KSR1: variants seen among roughly 807,000 people sequenced by gnomAD.
KSR1 encodes kinase suppressor of ras.
In KSR1, 35 loss-of-function variants were observed where a neutral mutation model predicts 92.9. The ratio of observed to expected loss-of-function variants is 0.38; its 90% CI spans 0.29 to 0.50. The LOEUF is 0.50. KSR1 is among the 20% of genes least tolerant of loss of function. KSR1 has a pLI of 0.94. For synonymous variants in KSR1, 467 were observed against 472.6 expected (o/e 0.99, Z 0.15); for missense variants, 972 against 1,158.5 (o/e 0.84, Z 2.34).
Position 27,550,476 on chromosome 17 carries a change from T to A in KSR1, c.232-92T>A, listed in dbSNP as rs2071356975. The A allele has an allele frequency of 9.7e-6, 7 of 718,950 alleles. No homozygotes were observed. The Admixed American group carries it at 1.2e-4, about 13-fold the overall frequency. 44.5% of individuals were successfully genotyped at this position (718,950 alleles called of 1,614,324 possible). A position where few individuals can be genotyped will look rare whatever the true frequency, so the allele number is the denominator to read the frequency against. ...GCCCCTTCCCTCATCACATTGCTTGTGTCTGCCTGAGCTCCTCTGTAGTGT... is the reference window on the plus strand; with the variant it reads ...GCCCCTTCCCTCATCACATTGCTTGAGTCTGCCTGAGCTCCTCTGTAGTGT... On this transcript the variant is annotated intron_variant, in intron 1 of 20. Coordinates refer to ENST00000644974, the MANE Select transcript of KSR1 (RefSeq NM_001394583.1).
Position 27,529,259 on chromosome 17 carries a change from A to AT in KSR1, c.232-21307dup, listed in dbSNP as rs2070442134. 2.0e-5 allele frequency among the ~76,000 whole-genome samples: 3 copies of AT among 152,192 alleles called. No homozygotes were observed. In the South Asian group the frequency reaches 6.2e-4, roughly 31 times the overall value. On this transcript the variant is annotated intron_variant, in intron 1 of 20. Transcript: ENST00000644974. ...AAGATTATGGGCATTGCCTCATATG[A>AT]TTAAGTACACTGTTAAAAGGGACTT...
intron 1 of KSR1, among the ~76,000 whole-genome samples, chr17:27,477,729 T>G (rs78610284): frequency 6.6e-6 from 1 of 151,896 alleles, no homozygotes; most frequent in South Asian, 2.1e-4. Flanking sequence ...TTTTTTTTTT[T>G]TGAGACAGGG....
chr17:27,524,512 T>C (rs1246925070), intron 1 of KSR1, among the ~76,000 whole-genome samples: 3 of 152,216 alleles, frequency 2.0e-5, no homozygotes, highest in Non-Finnish European at 2.9e-5. Flanking sequence ...CCCCATCCCC[T>C]TCCCAAGGAG....
chr17:27,619,849 A>T (rs763516929), intron 19 of KSR1, among the ~76,000 whole-genome samples: 1 of 152,100 alleles, frequency 6.6e-6, no homozygotes, highest in Non-Finnish European at 1.5e-5. Flanking sequence ...AGTTGCAGGG[A>T]TTATAGGTGC....
chr17:27,545,823 T>C (rs966571039), intron 1 of KSR1, among the ~76,000 whole-genome samples: 33 of 152,088 alleles, frequency 2.2e-4, no homozygotes, highest in African/African-American at 7.7e-4. Flanking sequence ...AGGCAGGTTG[T>C]GGGGAGGCTG....
At chr17:27,549,363 T>A (rs542709568) in intron 1 of KSR1, among the ~76,000 whole-genome samples, 1 of 152,312 alleles carries the variant, frequency 6.6e-6, no homozygotes, top group East Asian at 1.9e-4. Flanking sequence ...CTTCTGGCAG[T>A]GAGCTCGTTT....
intron 17 of KSR1, 44 bp downstream of exon 17, chr17:27,610,242 A>T (rs780368648): frequency 6.2e-7 from 1 of 1,612,232 alleles, no homozygotes; most frequent in Non-Finnish European, 8.5e-7. Context: ...TGGCCAAAAC[A>T]GAGGGCCCTG....
At chr17:27,502,310 A>C (rs2069219449) in intron 1 of KSR1, among the ~76,000 whole-genome samples, 1 of 152,218 alleles carries the variant, frequency 6.6e-6, no homozygotes, top group Admixed American at 6.5e-5. Context: ...CTGCGAAGAC[A>C]AGGTGGCTGT....
At chr17:27,484,771 G>C (rs1457403979) in intron 1 of KSR1, among the ~76,000 whole-genome samples, 1 of 152,240 alleles carries the variant, frequency 6.6e-6, no homozygotes, top group South Asian at 2.1e-4. Flanking sequence ...AGGAGCCGAA[G>C]CTTGAACCTT....
At position 27,609,189 on chromosome 17, in the gene KSR1, C is replaced by A. The variant is rs937660030; in HGVS notation, c.2092-7C>A. ...CACATCTTCACTCCTCCTGATGTGT[C>A]CTCCAGGGCATGGGATATCTTCATG... is the stretch of plus-strand genomic sequence containing the variant. On this transcript the variant is annotated splice_region_variant and splice_polypyrimidine_tract_variant and intron_variant, in intron 15 of 20. Transcript: ENST00000644974. 2.5e-6 allele frequency: 4 copies of A among 1,612,758 alleles called. No individual in the cohort carries two copies. Among genetic ancestry groups the A allele is most frequent in the Non-Finnish European group, 3.4e-6 (4 of 1,178,964 alleles).
At chr17:27,606,419 A>G (rs1258863608) in intron 14 of KSR1, among the ~76,000 whole-genome samples, 2 of 152,212 alleles carry the variant, frequency 1.3e-5, no homozygotes, top group African/African-American at 2.4e-5. Context: ...ATTTGCATAT[A>G]CTCACGTTTT....
chr17:27,476,714 G>T (rs2068358666), intron 1 of KSR1, among the ~76,000 whole-genome samples: 1 of 152,192 alleles, frequency 6.6e-6, no homozygotes, highest in South Asian at 2.1e-4. Flanking sequence ...GATGAGGGTG[G>T]TGGCGATGAG....
At chr17:27,601,226 C>A in intron 10 of KSR1, 134 bp from the exon 11 acceptor site, 2 of 727,876 alleles carry the variant, frequency 2.7e-6, no homozygotes, top group South Asian at 1.8e-5. Context: ...CCTGTCCTTG[C>A]CAGGTCCATC....
At chr17:27,522,629 T>C (rs1443372749) in intron 1 of KSR1, among the ~76,000 whole-genome samples, 3 of 152,112 alleles carry the variant, frequency 2.0e-5, no homozygotes, top group Non-Finnish European at 4.4e-5. Context: ...ACATTGTCCT[T>C]TTCTGGTTGG....
chr17:27,491,304 GGTGTGTGTGTGTGTGTGTGTGTGTGTGT>G (rs60738939), intron 1 of KSR1, among the ~76,000 whole-genome samples: 2 of 110,066 alleles, frequency 1.8e-5, no homozygotes, highest in Non-Finnish European at 3.5e-5. Flanking sequence ...TTTTGTTAGT[GGTGTGTGTGTGTGTGTGTGTGTGTGTGT>G]GTGTGTGTGT....
intron 4 of KSR1, among the ~76,000 whole-genome samples, chr17:27,583,686 T>C (rs891192368): frequency 5.1e-4 from 78 of 152,380 alleles, no homozygotes; most frequent in African/African-American, 1.6e-3. Flanking sequence ...TACCATACCA[T>C]CTACTCTGTC....
At chr17:27,482,055 A>G (rs1037984825) in intron 1 of KSR1, among the ~76,000 whole-genome samples, 8 of 152,182 alleles carry the variant, frequency 5.3e-5, no homozygotes, top group African/African-American at 1.9e-4. Flanking sequence ...GTTATAGCGC[A>G]TGCCAGCTGC....
At chr17:27,586,780 T>A (rs1342632592) in intron 5 of KSR1, among the ~76,000 whole-genome samples, 1 of 152,222 alleles carries the variant, frequency 6.6e-6, no homozygotes, top group Non-Finnish European at 1.5e-5. Context: ...TTGGTGCAGA[T>A]CATAAGGTGG....
chr17:27,457,382 A>C (rs2019226903), intron 1 of KSR1, among the ~76,000 whole-genome samples: 1 of 152,138 alleles, frequency 6.6e-6, no homozygotes, highest in East Asian at 1.9e-4. Context: ...CCGCCTTTTC[A>C]AAAAGTGTTG....
Sources: gnomAD v4.1 joint callset for allele counts (sites outside exome capture counted in the v4.1 genomes callset) on GRCh38, gnomAD v4.1.1 for gene constraint, MANE v1.5 for transcripts, NCBI Gene and HGNC (gene_info 2026-07-23, HGNC 2026-07-21) for gene names.